Variants in SCMH1 observed in about 807,000 individuals in gnomAD.
The protein encoded by SCMH1 is Scm polycomb group protein homolog 1.
A neutral mutation model predicts 70.8 loss-of-function variants in SCMH1; 37 were observed. That is an observed-to-expected ratio of 0.52 (90% confidence interval 0.40 to 0.69). The LOEUF (loss-of-function observed/expected upper bound fraction) is 0.69. SCMH1 is among the 30% of genes least tolerant of loss of function. SCMH1 has a pLI of 0.00. For missense variants in SCMH1, 607 were observed against 827.3 expected (o/e 0.73, Z 3.27); for synonymous variants, 292 against 307.4 (o/e 0.95, Z 0.52).
At chr1:41,184,648 C>G (rs1028254554) in intron 2 of SCMH1, among the ~76,000 whole-genome samples, 1 of 152,028 alleles carries the variant, frequency 6.6e-6, no homozygotes, top group Non-Finnish European at 1.5e-5. Flanking sequence ...TACAGGGAAG[C>G]AGATGTCAGA....
At chr1:41,190,241 C>T (rs762838191) in intron 1 of SCMH1, among the ~76,000 whole-genome samples, 5 of 152,078 alleles carry the variant, frequency 3.3e-5, no homozygotes, top group Non-Finnish European at 5.9e-5. Context: ...GGAAGGTTAA[C>T]TAGAAGGAAA....
At position 41,161,353 on chromosome 1, in the gene SCMH1, T is replaced by G; in HGVS notation, c.82+11A>C. The G allele has an allele frequency of 1.3e-6, 2 of 1,548,238 alleles. No homozygotes were observed. Among genetic ancestry groups the G allele is most frequent in the Non-Finnish European group, 1.7e-6 (2 of 1,146,476 alleles). On this transcript the variant is annotated intron_variant, in intron 3 of 14. Coordinates refer to ENST00000337495, the Ensembl canonical transcript of SCMH1. ...ATTTTTCCACACCAAACGGAGTTTT[T>G]TCCCCCTTACCTTGATATTGGGATG...
At chr1:41,206,201 G>A (rs1655507349) in intron 1 of SCMH1, among the ~76,000 whole-genome samples, 1 of 152,192 alleles carries the variant, frequency 6.6e-6, no homozygotes, top group Non-Finnish European at 1.5e-5. Flanking sequence ...ACTTTGACAA[G>A]TTGACAGAAG....
rs148900435 is a variant in SCMH1 at position 41,195,854 on chromosome 1, G to A, written c.-117-9604C>T. On this transcript the variant is annotated intron_variant, in intron 1 of 14. Coordinates refer to ENST00000337495, the Ensembl canonical transcript of SCMH1. ...AAAAAAGCTATTAGAGCTAATAAAT[G>A]AATTCAGCAAAGTTGCGGGATACAA... Among the ~76,000 whole-genome samples the A allele has an allele frequency of 3.1e-4, 47 of 152,244 alleles. No homozygotes were observed. In the East Asian group the frequency reaches 8.1e-3, roughly 26 times the overall value.
intron 8 of SCMH1, among the ~76,000 whole-genome samples, chr1:41,090,688 A>G (rs530171377): frequency 1.3e-5 from 2 of 152,300 alleles, no homozygotes; most frequent in African/African-American, 4.8e-5. Context: ...TTTAAATTAA[A>G]AGTTAAAAAA....
exon 2 of SCMH1, chr1:41,186,122 A>T (rs1449496969): frequency 6.5e-7 from 1 of 1,543,254 alleles, no homozygotes; most frequent in Non-Finnish European, 8.8e-7. Flanking sequence ...GATACTTACC[A>T]TTAGGCTGCA....
chr1:41,186,983 ATTC>A (rs1650395547), intron 1 of SCMH1, among the ~76,000 whole-genome samples: 1 of 152,182 alleles, frequency 6.6e-6, no homozygotes, highest in South Asian at 2.1e-4. Flanking sequence ...GACTGTAGCA[ATTC>A]TTTGGGAGTA....
chr1:41,222,660 T>C (rs952472111), intron 1 of SCMH1, among the ~76,000 whole-genome samples: 1 of 152,180 alleles, frequency 6.6e-6, no homozygotes, highest in Non-Finnish European at 1.5e-5. Flanking sequence ...AAGCCTTTTT[T>C]CACTTGGGTA....
chr1:41,162,199 C>G (rs1003064618), intron 2 of SCMH1, among the ~76,000 whole-genome samples: 2 of 152,196 alleles, frequency 1.3e-5, no homozygotes, highest in Non-Finnish European at 2.9e-5. Flanking sequence ...AGCCAGGACC[C>G]CTCTTCCCTC....
intron 9 of SCMH1, among the ~76,000 whole-genome samples, chr1:41,073,217 A>G (rs1397594392): frequency 6.6e-6 from 1 of 152,054 alleles, no homozygotes; most frequent in Non-Finnish European, 1.5e-5. Context: ...CTGATGAAAC[A>G]CCTCTAGTTA....
At chr1:41,238,069 TCA>T (rs1455420928) in intron 1 of SCMH1, among the ~76,000 whole-genome samples, 1 of 152,204 alleles carries the variant, frequency 6.6e-6, no homozygotes, top group Admixed American at 6.5e-5. Context: ...ACACTGAAGC[TCA>T]CAGAGGCTAA....
chr1:41,161,026 C>G, intron 3 of SCMH1, 128 bp from the exon 4 acceptor site: 1 of 1,008,488 alleles, frequency 9.9e-7, no homozygotes. Flanking sequence ...TCCTAAAAGA[C>G]ACTGAGATTC....
chr1:41,145,705 T>C (rs1644488210), intron 5 of SCMH1, among the ~76,000 whole-genome samples: 2 of 152,128 alleles, frequency 1.3e-5, no homozygotes, highest in Non-Finnish European at 2.9e-5. Flanking sequence ...TGATGTCTGG[T>C]CAAAAACAGA....
intron 5 of SCMH1, among the ~76,000 whole-genome samples, chr1:41,150,357 G>T (rs1177653543): frequency 6.6e-6 from 1 of 152,116 alleles, no homozygotes; most frequent in Non-Finnish European, 1.5e-5. Context: ...ACAAAAATTA[G>T]CCAGGCATGT....
intron 8 of SCMH1, among the ~76,000 whole-genome samples, chr1:41,091,551 A>G (rs1339099889): frequency 6.6e-6 from 1 of 152,242 alleles, no homozygotes; most frequent in African/African-American, 2.4e-5. Flanking sequence ...CAGGCAAGAG[A>G]AAGAAATAAA....
intron 4 of SCMH1, among the ~76,000 whole-genome samples, chr1:41,157,066 C>G (rs115494111): frequency 6.6e-6 from 1 of 151,322 alleles, no homozygotes; most frequent in Admixed American, 6.6e-5. Context: ...CAACCCTCCC[C>G]GCTCAGTCTC....
Position 41,124,853 on chromosome 1 carries a change from C to T in SCMH1, c.413-7843G>A, listed in dbSNP as rs188535968. On this transcript the variant is annotated intron_variant, in intron 6 of 14. Coordinates refer to ENST00000337495, the Ensembl canonical transcript of SCMH1. ...TCAAGTAATCATTCCGCCTCAGCCT[C>T]CCAAAGTGCTGGCTCTGATTACAGG... 4.7e-3 allele frequency among the ~76,000 whole-genome samples: 719 copies of T among 152,256 alleles called. 5 individuals carry two copies. The highest frequency in any genetic ancestry group is 7.9e-3 in the Admixed American group (121 of 15,288).
At chr1:41,132,234 G>A (rs571850844) in intron 6 of SCMH1, among the ~76,000 whole-genome samples, 11 of 152,152 alleles carry the variant, frequency 7.2e-5, no homozygotes, top group Non-Finnish European at 1.0e-4. Context: ...TTTAATGATC[G>A]CCATTCTAAC....
intron 4 of SCMH1, 108 bp from the exon 5 acceptor site, chr1:41,151,792 A>G: frequency 1.5e-6 from 1 of 646,836 alleles, no homozygotes; most frequent in Non-Finnish European, 2.6e-6. Flanking sequence ...TTTTGAGCAT[A>G]AAAAATATAA....
Sources: gnomAD v4.1 joint callset for allele counts (sites outside exome capture counted in the v4.1 genomes callset) on GRCh38, gnomAD v4.1.1 for gene constraint, MANE v1.5 for transcripts, NCBI Gene and HGNC (gene_info 2026-07-23, HGNC 2026-07-21) for gene names.